STK17A: variants seen among roughly 807,000 people sequenced by gnomAD.
STK17A encodes serine/threonine kinase 17a.
A neutral mutation model predicts 43.7 loss-of-function variants in STK17A; 26 were observed. The ratio of observed to expected loss-of-function variants is 0.60; its 90% CI spans 0.44 to 0.83. STK17A has a LOEUF of 0.83. STK17A is among the 40% of genes least tolerant of loss of function. STK17A has a pLI of 0.00. For synonymous variants in STK17A, 191 were observed against 182.5 expected (o/e 1.05, Z -0.38); for missense variants, 476 against 511.6 (o/e 0.93, Z 0.67).
chr7:43,619,684 G>A lies in STK17A; in HGVS notation c.652G>A (p.Glu218Lys), dbSNP rs2083678766. Residue 218 changes from glutamate (E) to lysine (K), a missense_variant, in exon 4 of 7, where the codon GAA (glutamate) becomes AAA (lysine). Physicochemically the swap from Glu to Lys is moderately conservative, Grantham distance 56. Coordinates refer to ENST00000319357, the MANE Select transcript of STK17A (RefSeq NM_004760.3). ...FGLSRILKNS[E>K]ELREIMGTPE... ...CCTTTCAAGAATATTGAAGAACAGT[G>A]AAGAGCTCCGAGAAATTATGGGTAC... 2 of 1,613,960 alleles carry A rather than the reference G, an allele frequency of 1.2e-6. No homozygotes were observed. Among genetic ancestry groups the A allele is most frequent in the African/African-American group, 1.3e-5 (1 of 74,910 alleles).
intron 1 of STK17A, among the ~76,000 whole-genome samples, chr7:43,589,398 T>C (rs2082464402): frequency 6.6e-6 from 1 of 151,430 alleles, no homozygotes; most frequent in African/African-American, 2.4e-5. Flanking sequence ...TGGACATTAT[T>C]TTACTTCCCC....
chr7:43,587,154 G>GTTTTTTTTTTTTTTTTT (rs71011929), intron 1 of STK17A, among the ~76,000 whole-genome samples: 12 of 112,088 alleles, frequency 1.1e-4, no homozygotes, highest in Non-Finnish European at 1.5e-4. Flanking sequence ...ATTGTTTTTT[G>GTTTTTTTTTTTTTTTTT]TTTTTTTTTT....
chr7:43,584,247 G>A (rs1485477215), intron 1 of STK17A, among the ~76,000 whole-genome samples: 1 of 152,104 alleles, frequency 6.6e-6, no homozygotes, highest in Non-Finnish European at 1.5e-5. Context: ...GGGGTTTGGC[G>A]ACTCTTCCTT....
chr7:43,603,393 T>G (rs2152971912), intron 2 of STK17A, among the ~76,000 whole-genome samples: 1 of 152,328 alleles, frequency 6.6e-6, no homozygotes, highest in East Asian at 1.9e-4. Flanking sequence ...CTGCATCAAT[T>G]AATCATTCCT....
Position 43,583,415 on chromosome 7 carries a change from G to T in STK17A, c.172G>T (p.Gly58Cys), listed in dbSNP as rs1363695932. Residue 58 changes from glycine (G) to cysteine (C), a missense_variant, in exon 1 of 7, where the codon GGC becomes TGC. Coordinates refer to ENST00000319357, the MANE Select transcript of STK17A (RefSeq NM_004760.3). ...GGTGCGCACCGAGCCCTTCCAGGAC[G>T]GCTACAGCCTGTGCCCGGGCCGGGA... is the stretch of plus-strand genomic sequence containing the variant. ...AVVRTEPFQD[G>C]YSLCPGRELG... The T allele has an allele frequency of 7.1e-7, 1 of 1,415,596 alleles. No homozygotes were observed. Among genetic ancestry groups the T allele is most frequent in the Non-Finnish European group, 9.2e-7 (1 of 1,083,082 alleles). The allele number at this position is 1,415,596 out of a possible 1,614,324, so 87.7% of individuals were successfully genotyped here.
intron 3 of STK17A, among the ~76,000 whole-genome samples, chr7:43,614,272 G>A (rs943295290): frequency 3.9e-5 from 6 of 152,054 alleles, no homozygotes; most frequent in Non-Finnish European, 8.8e-5. Context: ...TTTACGGACC[G>A]TCTGCAGGTT....
At chr7:43,585,069 C>T (rs1329959262) in intron 1 of STK17A, among the ~76,000 whole-genome samples, 1 of 151,994 alleles carries the variant, frequency 6.6e-6, no homozygotes, top group East Asian at 1.9e-4. Flanking sequence ...TGGTGGTGGG[C>T]GCCTGTAATC....
rs1007702040 is a variant in STK17A at position 43,586,194 on chromosome 7, T to G, written c.206+2745T>G. Among the ~76,000 whole-genome samples, 61 of 151,602 alleles carry G rather than the reference T, an allele frequency of 4.0e-4. 2 individuals carry two copies. Among genetic ancestry groups the G allele is most frequent in the Admixed American group, 3.8e-3 (58 of 15,232 alleles). ...GAAAAACAGATTTTTTTTTTCATTT[T>G]ATTCTATGGCCTTTCATTTAGTAAA... On this transcript the variant is annotated intron_variant, in intron 1 of 6. Coordinates refer to ENST00000319357, the MANE Select transcript of STK17A (RefSeq NM_004760.3).
chr7:43,595,228 G>C (rs1284684726), intron 1 of STK17A, among the ~76,000 whole-genome samples: 1 of 151,020 alleles, frequency 6.6e-6, no homozygotes, highest in Non-Finnish European at 1.5e-5. Flanking sequence ...CATCATATTA[G>C]GGATTCTGGT....
intron 4 of STK17A, 101 bp downstream of exon 4, chr7:43,619,824 A>G (rs1436098149): frequency 1.5e-5 from 21 of 1,410,822 alleles, no homozygotes; most frequent in South Asian, 6.9e-5. Context: ...GCTATCTACT[A>G]TGTTGAAATT....
Position 43,625,456 on chromosome 7 carries a change from A to T in STK17A, c.*614A>T, listed in dbSNP as rs2084402627. 1 of 151,812 alleles carries T rather than the reference A, an allele frequency of 6.6e-6. No homozygotes were observed. Among genetic ancestry groups the T allele is most frequent in the South Asian group, 2.1e-4 (1 of 4,814 alleles). 9.4% of individuals were successfully genotyped at this position (151,812 alleles called of 1,614,324 possible). A position where few individuals can be genotyped will look rare whatever the true frequency, so the allele number is the denominator to read the frequency against. On this transcript the variant is annotated 3_prime_UTR_variant, in exon 7 of 7. Transcript: ENST00000319357. Reference sequence around the variant, plus strand: ...AGTAACATATCAGTGAAAAACCCTAATTTTTTTTCTCTTCAATGTCACTAG... The same window carrying T: ...AGTAACATATCAGTGAAAAACCCTATTTTTTTTTCTCTTCAATGTCACTAG...
intron 2 of STK17A, among the ~76,000 whole-genome samples, chr7:43,605,055 T>A (rs2082579719): frequency 6.6e-6 from 1 of 152,240 alleles, no homozygotes; most frequent in African/African-American, 2.4e-5. Context: ...CTCCATCTCT[T>A]ACATGATTAT....
At chr7:43,588,555 C>A (rs1198553493) in intron 1 of STK17A, among the ~76,000 whole-genome samples, 1 of 151,466 alleles carries the variant, frequency 6.6e-6, no homozygotes, top group African/African-American at 2.4e-5. Flanking sequence ...AATGGAACTT[C>A]TTTACGTTTA....
At chr7:43,623,948 TA>T in intron 6 of STK17A, 60 bp downstream of exon 6, 1 of 1,213,416 alleles carries the variant, frequency 8.2e-7, no homozygotes. Context: ...AATTCAGTAT[TA>T]AAAAACTGAC....
rs1406953631 is a variant in STK17A, at chr7:43,590,331, A to T, written c.207-5570A>T. On this transcript the variant is annotated intron_variant, in intron 1 of 6. Coordinates refer to ENST00000319357, the MANE Select transcript of STK17A (RefSeq NM_004760.3). ...ATGAAGCCCAAACTCCTTAGCAAAC[A>T]TACCTACCTAAAGATACTCACCCTG... Among the ~76,000 whole-genome samples, 2 of 151,364 alleles carry T rather than the reference A, an allele frequency of 1.3e-5. 1 individual carries two copies. Among genetic ancestry groups the T allele is most frequent in the Non-Finnish European group, 3.0e-5 (2 of 67,580 alleles).
chr7:43,601,870 G>A (rs2082557756), intron 2 of STK17A, among the ~76,000 whole-genome samples: 1 of 152,092 alleles, frequency 6.6e-6, no homozygotes, highest in Non-Finnish European at 1.5e-5. Flanking sequence ...GTATAGCTTG[G>A]CAAGTCTGTA....
In STK17A at chr7:43,583,295, T is replaced by A. The variant is rs754657235; in HGVS notation, c.52T>A (p.Ser18Thr). The A allele has an allele frequency of 6.5e-7, 1 of 1,538,182 alleles. No individual in the cohort carries two copies. Among genetic ancestry groups the A allele is most frequent in the Admixed American group, 2.0e-5 (1 of 49,726 alleles). ...GSGGSSPGATSGSGRAGRGLS... is the reference protein window; with the variant it reads ...GSGGSSPGATTGSGRAGRGLS... ...CGGCGGCTCCTCCCCAGGCGCCACC[T>A]CAGGCTCGGGCCGGGCAGGCCGGGG... Residue 18 changes from serine to threonine, a missense_variant, in exon 1 of 7, where the codon TCA becomes ACA. Physicochemically the swap from Ser to Thr is moderately conservative, Grantham distance 58. Around this residue, in one of 3 missense-constraint regions of STK17A, gnomAD observed 320 missense variants for 326.3 expected, o/e 0.98. Transcript: ENST00000319357.
At chr7:43,603,472 C>G (rs2082568940) in intron 2 of STK17A, among the ~76,000 whole-genome samples, 1 of 152,140 alleles carries the variant, frequency 6.6e-6, no homozygotes. Context: ...AACATAGCCC[C>G]TTATCTCCAG....
At chr7:43,602,158 T>G (rs533051776) in intron 2 of STK17A, among the ~76,000 whole-genome samples, 33 of 152,338 alleles carry the variant, frequency 2.2e-4, no homozygotes, top group Non-Finnish European at 4.3e-4. Flanking sequence ...TCTCATCCTT[T>G]CTTTTCTAGG....
Sources: allele counts gnomAD v4.1 joint callset (sites outside exome capture counted in the v4.1 genomes callset), GRCh38; gene constraint gnomAD v4.1.1; regional missense constraint gnomAD v4.1.1; transcripts MANE v1.5; gene names NCBI Gene and HGNC (gene_info 2026-07-23, HGNC 2026-07-21).